Variants in GALNT13 observed in about 807,000 individuals in gnomAD.
GALNT13 encodes polypeptide N-acetylgalactosaminyltransferase 13.
A neutral mutation model predicts 64.2 loss-of-function variants in GALNT13; 28 were observed. That is an observed-to-expected ratio of 0.44 (90% CI 0.32 to 0.60). GALNT13 has a LOEUF of 0.60. Ranked by LOEUF, GALNT13 falls within the 20% of genes least tolerant of loss-of-function variation. The pLI is 0.05. For missense variants in GALNT13, 577 were observed against 669.8 expected, an observed-to-expected ratio of 0.86 and a Z score of 1.53; for synonymous variants, 214 against 224.6, an observed-to-expected ratio of 0.95 and a Z score of 0.42.
chr2:154,371,055 G>A (rs1344365604), intron 9 of GALNT13, among the ~76,000 whole-genome samples: 1 of 152,112 alleles, frequency 6.6e-6, no homozygotes, highest in African/African-American at 2.4e-5. Flanking sequence ...AAACCCTGCT[G>A]AGAAGGGAAG....
chr2:154,094,459 T>G (rs775975173), intron 3 of GALNT13, among the ~76,000 whole-genome samples: 5 of 152,020 alleles, frequency 3.3e-5, no homozygotes, highest in Non-Finnish European at 7.4e-5. Context: ...AAATAAGAAT[T>G]ATTTGCCAGA....
chr2:153,684,648 A>T, the GALNT13 span, among the ~76,000 whole-genome samples: 1 of 150,966 alleles, frequency 6.6e-6, no homozygotes, highest in Non-Finnish European at 1.5e-5. Context: ...TGTTTTTTAA[A>T]TTTTTTTTAA....
intron 3 of GALNT13, among the ~76,000 whole-genome samples, chr2:154,125,825 A>G (rs1336094927): frequency 2.6e-5 from 4 of 152,218 alleles, no homozygotes; most frequent in Non-Finnish European, 5.9e-5. Flanking sequence ...ACTAAATTTT[A>G]TAACTGTGCT....
chr2:153,215,704 A>C, the GALNT13 span, among the ~76,000 whole-genome samples: 1 of 151,286 alleles, frequency 6.6e-6, no homozygotes, highest in African/African-American at 2.4e-5. Flanking sequence ...GTTGGTGTGA[A>C]TTTCTATGTG....
intron 3 of GALNT13, among the ~76,000 whole-genome samples, chr2:154,043,347 A>G (rs558065607): frequency 4.7e-5 from 7 of 149,830 alleles, no homozygotes; most frequent in Non-Finnish European, 1.0e-4. Context: ...GTCCTTTGAC[A>G]TAACTGGGTT....
At position 154,443,254 on chromosome 2, in the gene GALNT13, G is replaced by A. The variant is rs146638078; in HGVS notation, c.1530+4528G>A. On this transcript the variant is annotated intron_variant, in intron 12 of 12. Transcript: ENST00000392825. ...TGAGTAGGAATTTCAATAGATTAGC[G>A]TCATATTTGTAGTTCCTATATGTTA... 3.1e-3 allele frequency among the ~76,000 whole-genome samples: 473 copies of A among 152,006 alleles called. 2 individuals carry two copies. Among genetic ancestry groups the A allele is most frequent in the African/African-American group, 0.011 (441 of 41,470 alleles).
intron 4 of GALNT13, among the ~76,000 whole-genome samples, chr2:154,148,389 T>C (rs1409817971): frequency 6.6e-6 from 1 of 152,120 alleles, no homozygotes; most frequent in African/African-American, 2.4e-5. Flanking sequence ...TAAACATACA[T>C]GTGCACGTGT....
chr2:153,983,261 A>T (rs532699672), intron 3 of GALNT13, among the ~76,000 whole-genome samples: 1 of 151,982 alleles, frequency 6.6e-6, no homozygotes, highest in Non-Finnish European at 1.5e-5. Context: ...AAGAAATCTG[A>T]TGCAGGGTCT....
At chr2:154,133,580 A>G (rs1187063293) in intron 3 of GALNT13, among the ~76,000 whole-genome samples, 37 of 123,556 alleles carry the variant, frequency 3.0e-4, no homozygotes, top group Non-Finnish European at 5.1e-4. Context: ...ATATATATAT[A>G]TATATCTGAG....
At chr2:153,207,685 G>A in the GALNT13 span, among the ~76,000 whole-genome samples, 3 of 151,964 alleles carry the variant, frequency 2.0e-5, no homozygotes, top group Admixed American at 1.3e-4. Context: ...GTATCCCTCC[G>A]TGGTGACCAG....
chr2:154,121,749 A>G (rs1191449286), intron 3 of GALNT13, among the ~76,000 whole-genome samples: 2 of 149,760 alleles, frequency 1.3e-5, no homozygotes, highest in Admixed American at 6.6e-5. Context: ...TTTTTTTTCT[A>G]TTGTAGATAC....
At chr2:153,086,370 C>T in the GALNT13 span, among the ~76,000 whole-genome samples, 66 of 152,134 alleles carry the variant, frequency 4.3e-4, no homozygotes, top group African/African-American at 1.6e-3. Flanking sequence ...TGGCTATGTC[C>T]CCACCCAAAT....
the GALNT13 span, among the ~76,000 whole-genome samples, chr2:153,818,591 G>A: frequency 6.6e-6 from 1 of 152,138 alleles, no homozygotes; most frequent in African/African-American, 2.4e-5. Flanking sequence ...GGAACACTGT[G>A]GTCAGTCATG....
chr2:154,320,086 T>G (rs1694542424), intron 9 of GALNT13, among the ~76,000 whole-genome samples: 1 of 152,116 alleles, frequency 6.6e-6, no homozygotes, highest in African/African-American at 2.4e-5. Flanking sequence ...CTATGGATAC[T>G]GTGGATCTGA....
the GALNT13 span, among the ~76,000 whole-genome samples, chr2:153,426,396 G>A: frequency 1.4e-4 from 22 of 151,876 alleles, no homozygotes; most frequent in African/African-American, 5.1e-4. Flanking sequence ...GCAGATTCAC[G>A]CTTTGTACTA....
At chr2:153,130,022 A>T in the GALNT13 span, among the ~76,000 whole-genome samples, 1 of 152,174 alleles carries the variant, frequency 6.6e-6, no homozygotes, top group Admixed American at 6.5e-5. Context: ...GAAAGCACGT[A>T]CTTGGGCCCA....
chr2:154,291,144 T>C (rs913229826), intron 8 of GALNT13, among the ~76,000 whole-genome samples: 1 of 152,094 alleles, frequency 6.6e-6, no homozygotes, highest in Non-Finnish European at 1.5e-5. Flanking sequence ...TTCCCTTATC[T>C]GGCCCCACCC....
rs115896285 is a variant in GALNT13 at position 153,936,360 on chromosome 2, A to G, written c.-104-8034A>G. 5.3e-3 allele frequency among the ~76,000 whole-genome samples: 810 copies of G among 152,310 alleles called. 5 individuals carry two copies. The highest frequency in any genetic ancestry group is 0.018 in the African/African-American group (753 of 41,572). On this transcript the variant is annotated intron_variant, in intron 2 of 12. Transcript: ENST00000392825. ...TGGACTTGAGCTTTGAGTTTGGAAA[A>G]TCTAATACCTTGACTATCATTTTAT...
At chr2:154,146,043 TG>T (rs1683571301) in intron 4 of GALNT13, among the ~76,000 whole-genome samples, 1 of 151,872 alleles carries the variant, frequency 6.6e-6, no homozygotes, top group African/African-American at 2.4e-5. Flanking sequence ...TTATGTAATG[TG>T]CTCATGTGTA....
Sources: allele counts gnomAD v4.1 joint callset (sites outside exome capture counted in the v4.1 genomes callset), GRCh38; gene constraint gnomAD v4.1.1; transcripts MANE v1.5; gene names NCBI Gene and HGNC (gene_info 2026-07-23, HGNC 2026-07-21).